The following NEBL variants were observed in gnomAD, a reference collection of about 807,000 sequenced individuals.
The protein encoded by NEBL is LIM and SH3 protein 2.
In NEBL, 122 loss-of-function variants were observed where a neutral mutation model predicts 140.2. That is an observed-to-expected ratio of 0.87 (90% confidence interval 0.75 to 1.01). The LOEUF is 1.01. NEBL is among the 50% of genes least tolerant of loss of function. The pLI is 0.00. For synonymous variants in NEBL, 436 were observed against 398.9 expected, an observed-to-expected ratio of 1.09 and a Z score of -1.11; for missense variants, 1,365 against 1,231.3, an observed-to-expected ratio of 1.11 and a Z score of -1.62.
chr10:20,800,973 A>C (rs1480127785), intron 26 of NEBL, among the ~76,000 whole-genome samples: 1 of 152,128 alleles, frequency 6.6e-6, no homozygotes, highest in Non-Finnish European at 1.5e-5. Flanking sequence ...GTGTGCTGGG[A>C]CCATGTTCCC....
intron 10 of NEBL, among the ~76,000 whole-genome samples, chr10:20,851,224 A>G (rs1487460604): frequency 6.6e-6 from 1 of 152,104 alleles, no homozygotes; most frequent in Non-Finnish European, 1.5e-5. Flanking sequence ...AAGTTTTTAT[A>G]CTTCATTTCA....
At chr10:21,073,233 G>T (rs981718043) in intron 2 of NEBL, among the ~76,000 whole-genome samples, 1 of 151,972 alleles carries the variant, frequency 6.6e-6, no homozygotes, top group African/African-American at 2.4e-5. Context: ...TGAAGCAGGG[G>T]GATCGGTTGA....
intron 3 of NEBL, among the ~76,000 whole-genome samples, chr10:21,229,779 A>G (rs555367286): frequency 3.3e-4 from 50 of 152,346 alleles, no homozygotes; most frequent in Non-Finnish European, 2.9e-4. Context: ...AACCTTGACC[A>G]CGTCACATAC....
chr10:21,262,829 C>G (rs1396342958), intron 1 of NEBL, among the ~76,000 whole-genome samples: 1 of 152,070 alleles, frequency 6.6e-6, no homozygotes, highest in African/African-American at 2.4e-5. Flanking sequence ...TCCAGTGTGC[C>G]CATGATTACA....
In NEBL at chr10:21,037,542, C is replaced by T. The variant is rs184297266; in HGVS notation, c.165-17341G>A. On this transcript the variant is annotated intron_variant, in intron 2 of 6. Transcript: ENST00000417816. The stretch of plus-strand genomic sequence containing the variant: ...TGGTTCATGTGGGTCGGGTGACAGT[C>T]AGGGCAGGTTCACCACAAAGGGGCC... Among the ~76,000 whole-genome samples, 15 of 152,126 alleles carry T rather than the reference C, an allele frequency of 9.9e-5. 1 individual carries two copies. Among genetic ancestry groups the T allele is most frequent in the African/African-American group, 3.4e-4 (14 of 41,490 alleles).
At chr10:20,817,560 A>G in intron 21 of NEBL, 40 bp downstream of exon 21, 1 of 1,458,300 alleles carries the variant, frequency 6.9e-7, no homozygotes, top group Non-Finnish European at 9.6e-7. Context: ...TGGACAATGC[A>G]TTTGATAGTG....
chr10:20,915,410 C>T (rs1405126491), intron 4 of NEBL, among the ~76,000 whole-genome samples: 1 of 147,482 alleles, frequency 6.8e-6, no homozygotes, highest in Admixed American at 6.8e-5. Flanking sequence ...CCCCCCTCCC[C>T]CTACCCCACA....
At chr10:21,094,527 A>T (rs1445817839) in intron 2 of NEBL, among the ~76,000 whole-genome samples, 3 of 148,242 alleles carry the variant, frequency 2.0e-5, no homozygotes, top group East Asian at 3.9e-4. Flanking sequence ...AAAAAAAAAA[A>T]AAAAATTAGC....
chr10:21,056,764 G>A (rs986014115), intron 2 of NEBL, among the ~76,000 whole-genome samples: 4 of 152,258 alleles, frequency 2.6e-5, no homozygotes, highest in Middle Eastern at 3.4e-3. Flanking sequence ...CTGCGAGAAA[G>A]AAAGCAAATC....
chr10:21,215,487 G>A (rs1016546114), intron 3 of NEBL, among the ~76,000 whole-genome samples: 14 of 152,034 alleles, frequency 9.2e-5, no homozygotes, highest in Non-Finnish European at 4.4e-5. Context: ...GCAAAATGTA[G>A]CACAAAAGTA....
In NEBL at chr10:20,979,409, G is replaced by A. The variant is rs573048062; in HGVS notation, c.250-17630C>T. Among the ~76,000 whole-genome samples, 346 of 152,210 alleles carry A rather than the reference G, an allele frequency of 2.3e-3. 1 individual carries two copies. Among genetic ancestry groups the A allele is most frequent in the Non-Finnish European group, 4.4e-3 (298 of 68,004 alleles). On this transcript the variant is annotated intron_variant, in intron 3 of 6. Transcript: ENST00000417816. ...CCTTTGAGAGCATGAAAGAGAAGATGCAAAAGGTGGTCAAGAGAGCCCAGG... is the reference window on the plus strand; with the variant it reads ...CCTTTGAGAGCATGAAAGAGAAGATACAAAAGGTGGTCAAGAGAGCCCAGG...
intron 3 of NEBL, among the ~76,000 whole-genome samples, chr10:21,193,073 C>T (rs1191433297): frequency 6.6e-6 from 1 of 152,124 alleles, no homozygotes; most frequent in Non-Finnish European, 1.5e-5. Context: ...GCACTGCAGA[C>T]AGAGGGAAGA....
At chr10:21,095,947 T>C (rs1167267706) in intron 2 of NEBL, among the ~76,000 whole-genome samples, 1 of 152,202 alleles carries the variant, frequency 6.6e-6, no homozygotes, top group East Asian at 1.9e-4. Context: ...CCTTGGTAGG[T>C]TGCAGCTTCC....
Position 20,801,832 on chromosome 10 carries a change from G to A in NEBL, c.2761+6678C>T, listed in dbSNP as rs561846216. 1.1e-4 allele frequency among the ~76,000 whole-genome samples: 17 copies of A among 152,240 alleles called. 1 individual carries two copies. The South Asian group carries it at 3.5e-3, about 32-fold the overall frequency. On this transcript the variant is annotated intron_variant, in intron 26 of 27. Coordinates refer to ENST00000377122, the MANE Select transcript of NEBL (RefSeq NM_006393.3). ...CAACTCTTGAATACGTATTACATGGGATGAAACGCCGGAAGCATAGCCTGG... is the reference window on the plus strand; with the variant it reads ...CAACTCTTGAATACGTATTACATGGAATGAAACGCCGGAAGCATAGCCTGG...
At chr10:21,273,104 T>C (rs1842878161) in intron 1 of NEBL, among the ~76,000 whole-genome samples, 1 of 152,150 alleles carries the variant, frequency 6.6e-6, no homozygotes, top group Non-Finnish European at 1.5e-5. Flanking sequence ...TTCCACATGA[T>C]GAAATTGGAC....
chr10:21,189,383 A>G (rs1463908611), intron 3 of NEBL, among the ~76,000 whole-genome samples: 1 of 152,222 alleles, frequency 6.6e-6, no homozygotes, highest in African/African-American at 2.4e-5. Flanking sequence ...TCTCCCCCAG[A>G]GTATCCAGAC....
intron 1 of NEBL, among the ~76,000 whole-genome samples, chr10:21,259,034 A>G (rs1199777998): frequency 6.6e-6 from 1 of 151,994 alleles, no homozygotes; most frequent in Non-Finnish European, 1.5e-5. Flanking sequence ...TAGTTTGCCC[A>G]GTAGTGGTGA....
intron 2 of NEBL, among the ~76,000 whole-genome samples, chr10:21,048,718 G>C (rs952984278): frequency 6.6e-6 from 1 of 152,148 alleles, no homozygotes; most frequent in Non-Finnish European, 1.5e-5. Flanking sequence ...GGTCTAGGCC[G>C]GGCACAGAGG....
At chr10:21,149,485 T>A (rs1309709968) in intron 2 of NEBL, among the ~76,000 whole-genome samples, 1 of 152,112 alleles carries the variant, frequency 6.6e-6, no homozygotes, top group African/African-American at 2.4e-5. Context: ...GATACGGGGT[T>A]TCACCATGTT....
Sources: gnomAD v4.1 joint callset for allele counts (sites outside exome capture counted in the v4.1 genomes callset) on GRCh38, gnomAD v4.1.1 for gene constraint, MANE v1.5 for transcripts, NCBI Gene and HGNC (gene_info 2026-07-23, HGNC 2026-07-21) for gene names.